Variants in HS3ST4 observed in about 807,000 individuals in gnomAD.
The protein encoded by HS3ST4 is heparan sulfate-glucosamine 3-sulfotransferase 4.
HS3ST4 carries 17 observed loss-of-function variants against 29.2 expected under a neutral mutation model. That is an observed-to-expected ratio of 0.58 (90% CI 0.40 to 0.87). The LOEUF (loss-of-function observed/expected upper bound fraction) is 0.87. Among genes scored for constraint, HS3ST4 ranks in the 40% least tolerant of loss-of-function variants. The probability of loss-of-function intolerance (pLI) is 0.00; values close to 1 mark genes in which losing one functional copy is unlikely to be tolerated. For synonymous variants in HS3ST4, 314 were observed against 285.7 expected, an observed-to-expected ratio of 1.10 and a Z score of -1.00; for missense variants, 627 against 634.5, an observed-to-expected ratio of 0.99 and a Z score of 0.13.
At chr16:25,902,678 A>C (rs1400848175) in intron 1 of HS3ST4, among the ~76,000 whole-genome samples, 1 of 152,100 alleles carries the variant, frequency 6.6e-6, no homozygotes, top group Non-Finnish European at 1.5e-5. Context: ...GAGGTGACCC[A>C]GGCTACACTT....
chr16:25,918,906 C>G (rs1968319279), intron 1 of HS3ST4, among the ~76,000 whole-genome samples: 1 of 152,192 alleles, frequency 6.6e-6, no homozygotes. Flanking sequence ...GACAGCCAGG[C>G]TGCATCCTTG....
At chr16:25,696,500 GT>G (rs11434979) in intron 1 of HS3ST4, among the ~76,000 whole-genome samples, 33 of 148,600 alleles carry the variant, frequency 2.2e-4, no homozygotes, top group Admixed American at 2.7e-4. Context: ...TGGTTTGTTT[GT>G]TTTTTTTTTT....
intron 1 of HS3ST4, among the ~76,000 whole-genome samples, chr16:26,118,873 A>G (rs1470024385): frequency 6.6e-6 from 1 of 152,146 alleles, no homozygotes; most frequent in Non-Finnish European, 1.5e-5. Flanking sequence ...TAATCCATGA[A>G]AAGGGACTTA....
intron 1 of HS3ST4, among the ~76,000 whole-genome samples, chr16:26,126,809 ATC>A (rs1411100878): frequency 6.6e-6 from 1 of 152,218 alleles, no homozygotes; most frequent in Non-Finnish European, 1.5e-5. Flanking sequence ...AGAATTATCC[ATC>A]CCAGAATGTT....
intron 1 of HS3ST4, among the ~76,000 whole-genome samples, chr16:26,123,378 C>T (rs1280583712): frequency 6.6e-6 from 1 of 152,146 alleles, no homozygotes; most frequent in Non-Finnish European, 1.5e-5. Flanking sequence ...TGCACCTGGC[C>T]AGCTTCCAAA....
chr16:25,741,803 A>G (rs536885950), intron 1 of HS3ST4, among the ~76,000 whole-genome samples: 1 of 152,262 alleles, frequency 6.6e-6, no homozygotes, highest in African/African-American at 2.4e-5. Flanking sequence ...ACCAGTAAGG[A>G]CACCAAGGCT....
intron 1 of HS3ST4, among the ~76,000 whole-genome samples, chr16:25,922,415 T>C (rs559369620): frequency 7.2e-4 from 109 of 152,310 alleles, no homozygotes; most frequent in Non-Finnish European, 1.3e-3. Context: ...TCGCTAGACA[T>C]TGGATTTGCT....
intron 1 of HS3ST4, among the ~76,000 whole-genome samples, chr16:25,725,300 T>A (rs557632014): frequency 6.6e-6 from 1 of 152,308 alleles, no homozygotes; most frequent in African/African-American, 2.4e-5. Flanking sequence ...ATCTAAAGGT[T>A]GTGATTTACT....
chr16:25,875,110 A>T (rs1376659289), intron 1 of HS3ST4, among the ~76,000 whole-genome samples: 2 of 152,180 alleles, frequency 1.3e-5, no homozygotes, highest in Admixed American at 1.3e-4. Context: ...CTGCTCTCAC[A>T]GAGGCTATAT....
At chr16:25,802,839 G>A (rs2141624795) in intron 1 of HS3ST4, among the ~76,000 whole-genome samples, 1 of 151,456 alleles carries the variant, frequency 6.6e-6, no homozygotes, top group Non-Finnish European at 1.5e-5. Flanking sequence ...TTACACTTTT[G>A]TTGCTAGTGT....
chr16:26,103,919 A>G (rs771754638), intron 1 of HS3ST4, among the ~76,000 whole-genome samples: 4 of 152,228 alleles, frequency 2.6e-5, no homozygotes, highest in Non-Finnish European at 5.9e-5. Context: ...TCTTTCATAT[A>G]TTGTGAAAAT....
At chr16:26,084,526 G>A (rs1290939541) in intron 1 of HS3ST4, among the ~76,000 whole-genome samples, 1 of 152,048 alleles carries the variant, frequency 6.6e-6, no homozygotes, top group Non-Finnish European at 1.5e-5. Context: ...AGTATTAAAT[G>A]TTGCCTGATC....
At chr16:26,063,311 T>C (rs1190348486) in intron 1 of HS3ST4, among the ~76,000 whole-genome samples, 1 of 152,130 alleles carries the variant, frequency 6.6e-6, no homozygotes, top group Non-Finnish European at 1.5e-5. Context: ...ATTGGTTGAA[T>C]TATAGCCTCT....
intron 1 of HS3ST4, among the ~76,000 whole-genome samples, chr16:25,840,970 GTTTGTTTATTTA>G (rs368790470): frequency 0.31 from 40,420 of 129,014 alleles, 6,008 homozygotes; most frequent in Admixed American, 0.38. Context: ...ATTTATATTT[GTTTGTTTATTTA>G]TTTATTTATT....
At chr16:26,118,939 A>G (rs897668023) in intron 1 of HS3ST4, among the ~76,000 whole-genome samples, 3 of 152,260 alleles carry the variant, frequency 2.0e-5, no homozygotes, top group Admixed American at 6.5e-5. Flanking sequence ...GAGTGATGTA[A>G]TAATAGCAAC....
At chr16:25,767,590 TCA>T (rs1966828456) in intron 1 of HS3ST4, among the ~76,000 whole-genome samples, 1 of 152,168 alleles carries the variant, frequency 6.6e-6, no homozygotes, top group Non-Finnish European at 1.5e-5. Flanking sequence ...AGAACAAAAC[TCA>T]CAGTGTGGGC....
chr16:25,999,904 T>TATTATATATATATTTTTATATATA (rs1567290847), intron 1 of HS3ST4, among the ~76,000 whole-genome samples: 2 of 138,264 alleles, frequency 1.4e-5, no homozygotes, highest in East Asian at 4.0e-4. Flanking sequence ...ATTTTATATA[T>TATTATATATATATTTTTATATATA]ATATATATAT....
At chr16:25,984,372 C>G (rs1969039974) in intron 1 of HS3ST4, among the ~76,000 whole-genome samples, 1 of 152,142 alleles carries the variant, frequency 6.6e-6, no homozygotes. Context: ...CAGTTCACAA[C>G]AGGGTCCATG....
At chr16:26,119,611 A>T (rs867935693) in intron 1 of HS3ST4, among the ~76,000 whole-genome samples, 3 of 152,060 alleles carry the variant, frequency 2.0e-5, no homozygotes, top group Non-Finnish European at 4.4e-5. Context: ...TAGGAAATCT[A>T]TTGGGTATAA....
Sources: allele counts gnomAD v4.1 joint callset (sites outside exome capture counted in the v4.1 genomes callset), GRCh38; gene constraint gnomAD v4.1.1; transcripts MANE v1.5; gene names NCBI Gene and HGNC (gene_info 2026-07-23, HGNC 2026-07-21).